ROBO2: variants seen among roughly 807,000 people sequenced by gnomAD.
The protein encoded by ROBO2 is roundabout homolog 2.
Under a neutral mutation model 160.8 loss-of-function variants are expected in ROBO2, and 53 were observed. That is an observed-to-expected ratio of 0.33 (90% confidence interval 0.26 to 0.41). ROBO2 has a LOEUF of 0.41. Ranked by LOEUF, ROBO2 falls within the 10% of genes least tolerant of loss-of-function variation. The pLI is 1.00. For missense variants in ROBO2, 1,577 were observed against 1,722.4 expected, an observed-to-expected ratio of 0.92 and a Z score of 1.49; for synonymous variants, 664 against 611.7, an observed-to-expected ratio of 1.09 and a Z score of -1.26.
intron 2 of ROBO2, among the ~76,000 whole-genome samples, chr3:76,182,513 AG>A (rs1444616113): frequency 1.6e-4 from 25 of 152,232 alleles, no homozygotes; most frequent in Non-Finnish European, 1.5e-5. Flanking sequence ...TAGAACTTCT[AG>A]GCCTTGCTAA....
At chr3:76,435,336 G>A (rs1327519673) in intron 2 of ROBO2, 31 of 827,690 alleles carry the variant, frequency 3.7e-5, no homozygotes, top group Middle Eastern at 6.2e-4. Flanking sequence ...TACAGAAGGC[G>A]GTGACTTTAA....
chr3:77,128,376 T>C (rs2075539716), intron 2 of ROBO2, among the ~76,000 whole-genome samples: 1 of 152,188 alleles, frequency 6.6e-6, no homozygotes, highest in Non-Finnish European at 1.5e-5. Flanking sequence ...ACATGGTATA[T>C]ACTGTACAGT....
At chr3:76,206,320 A>T (rs1702804221) in intron 2 of ROBO2, among the ~76,000 whole-genome samples, 1 of 152,076 alleles carries the variant, frequency 6.6e-6, no homozygotes. Flanking sequence ...TTTAAACTTA[A>T]TTAATATCAA....
At chr3:76,612,432 C>T (rs1046063955) in intron 2 of ROBO2, among the ~76,000 whole-genome samples, 4 of 152,110 alleles carry the variant, frequency 2.6e-5, no homozygotes, top group Admixed American at 2.6e-4. Context: ...ACAACATTCT[C>T]AGCAAACTAA....
chr3:76,108,430 A>G (rs937822957), intron 2 of ROBO2, among the ~76,000 whole-genome samples: 1 of 152,066 alleles, frequency 6.6e-6, no homozygotes, highest in African/African-American at 2.4e-5. Flanking sequence ...CCAATAAATT[A>G]CATTGAATAT....
At chr3:77,161,131 G>T (rs1358970159) in intron 2 of ROBO2, among the ~76,000 whole-genome samples, 1 of 152,158 alleles carries the variant, frequency 6.6e-6, no homozygotes, top group African/African-American at 2.4e-5. Flanking sequence ...TAGACTCAAT[G>T]GAGCATGACT....
chr3:77,565,216 T>C, intron 12 of ROBO2, 96 bp downstream of exon 13: 2 of 1,347,388 alleles, frequency 1.5e-6, no homozygotes, highest in East Asian at 2.3e-5. Flanking sequence ...TGTGCCTGCA[T>C]TGCTTTGTAT....
intron 2 of ROBO2, among the ~76,000 whole-genome samples, chr3:76,396,275 C>T (rs989402847): frequency 3.9e-5 from 6 of 152,084 alleles, no homozygotes; most frequent in Non-Finnish European, 7.4e-5. Flanking sequence ...TTCAACAGCC[C>T]CTCATGCTAA....
intron 2 of ROBO2, among the ~76,000 whole-genome samples, chr3:76,282,336 A>C (rs1033130120): frequency 1.6e-4 from 25 of 152,108 alleles, no homozygotes; most frequent in African/African-American, 5.8e-4. Context: ...AGAAATAATA[A>C]ATTTTACATT....
At chr3:77,166,838 C>G (rs1380274486) in intron 2 of ROBO2, among the ~76,000 whole-genome samples, 1 of 152,182 alleles carries the variant, frequency 6.6e-6, no homozygotes, top group South Asian at 2.1e-4. Context: ...GGATTACAGG[C>G]GTGAGCCCCC....
chr3:77,059,738 A>G (rs1384602563), intron 1 of ROBO2, among the ~76,000 whole-genome samples: 1 of 152,142 alleles, frequency 6.6e-6, no homozygotes, highest in Non-Finnish European at 1.5e-5. Context: ...TTTGGGCATA[A>G]GCATCACTCT....
intron 2 of ROBO2, among the ~76,000 whole-genome samples, chr3:76,884,185 T>C (rs988708865): frequency 1.3e-5 from 2 of 152,208 alleles, no homozygotes; most frequent in African/African-American, 4.8e-5. Flanking sequence ...TTTTATAATG[T>C]AACAGTTACA....
At chr3:76,941,979 T>C (rs940306234) in intron 2 of ROBO2, among the ~76,000 whole-genome samples, 1 of 152,232 alleles carries the variant, frequency 6.6e-6, no homozygotes, top group African/African-American at 2.4e-5. Context: ...AAATGAATGA[T>C]ACTTAAAATT....
At chr3:77,590,499 C>A (rs1429574918) in intron 17 of ROBO2, among the ~76,000 whole-genome samples, 1 of 152,082 alleles carries the variant, frequency 6.6e-6, no homozygotes, top group Non-Finnish European at 1.5e-5. Flanking sequence ...TTTAATCAGC[C>A]ACCATGTCAT....
At chr3:75,989,298 A>G (rs2065499816) in intron 2 of ROBO2, among the ~76,000 whole-genome samples, 1 of 151,954 alleles carries the variant, frequency 6.6e-6, no homozygotes, top group Non-Finnish European at 1.5e-5. Flanking sequence ...TTGTACATTT[A>G]CTAGAGACGA....
At chr3:77,406,971 G>T (rs1318973904) in intron 2 of ROBO2, among the ~76,000 whole-genome samples, 1 of 152,120 alleles carries the variant, frequency 6.6e-6, no homozygotes, top group African/African-American at 2.4e-5. Context: ...CAGGAGAAAT[G>T]TTTAACGTTT....
chr3:76,869,955 A>C (rs973895814), intron 2 of ROBO2, among the ~76,000 whole-genome samples: 1 of 152,110 alleles, frequency 6.6e-6, no homozygotes, highest in Non-Finnish European at 1.5e-5. Flanking sequence ...GACACACCTA[A>C]GACTTCCTCC....
chr3:76,194,350 GTAAATATA>G (rs368201061), intron 2 of ROBO2, among the ~76,000 whole-genome samples: 3,694 of 42,038 alleles, frequency 0.088, 120 homozygotes, highest in South Asian at 0.15. Context: ...TGTATGGTGT[GTAAATATA>G]TATATATATA....
intron 2 of ROBO2, among the ~76,000 whole-genome samples, chr3:76,325,061 C>G (rs1055463046): frequency 6.6e-6 from 1 of 152,212 alleles, no homozygotes; most frequent in Non-Finnish European, 1.5e-5. Context: ...GCAGAGATCG[C>G]ACCACTGCAC....
Sources: gnomAD v4.1 joint callset for allele counts (sites outside exome capture counted in the v4.1 genomes callset) on GRCh38, gnomAD v4.1.1 for gene constraint, MANE v1.5 for transcripts, NCBI Gene and HGNC (gene_info 2026-07-23, HGNC 2026-07-21) for gene names.